The following AIG1 variants were observed in gnomAD, a reference collection of about 807,000 sequenced individuals.
AIG1 encodes androgen induced 1.
In AIG1, 23 loss-of-function variants were observed where a neutral mutation model predicts 31.4. That is an observed-to-expected ratio of 0.73 (90% confidence interval 0.53 to 1.04). The LOEUF is 1.04. AIG1 is among the 50% of genes least tolerant of loss of function. AIG1 has a pLI of 0.00. For missense variants in AIG1, 274 were observed against 295.0 expected (o/e 0.93, Z 0.52); for synonymous variants, 100 against 110.5 (o/e 0.90, Z 0.60).
At chr6:143,098,751 C>G (rs1780007301) in intron 1 of AIG1, among the ~76,000 whole-genome samples, 1 of 152,190 alleles carries the variant, frequency 6.6e-6, no homozygotes, top group Non-Finnish European at 1.5e-5. Flanking sequence ...TCATCCAAGA[C>G]TTTTGTGTTG....
Position 143,060,931 on chromosome 6 carries a change from G to A in AIG1, c.6G>A (p.Ala2=), listed in dbSNP as rs773220412. ...GGTCCAGGCCTCTGGCGAACATGGC[G>A]CTTGTCCCCTGCCAGGTGCTGCGGA... M[A]LVPCQVLRMA... The change falls in exon 1 of 6, where the codon GCG becomes GCA. Residue 2 remains alanine, a synonymous_variant. Transcript: ENST00000357847. The A allele has an allele frequency of 2.5e-6, 4 of 1,608,576 alleles. No individual in the cohort carries two copies. The highest frequency in any genetic ancestry group is 3.4e-6 in the Non-Finnish European group (4 of 1,178,436).
chr6:143,140,303 G>A (rs578133237), intron 2 of AIG1, among the ~76,000 whole-genome samples: 1 of 152,124 alleles, frequency 6.6e-6, no homozygotes, highest in Non-Finnish European at 1.5e-5. Context: ...TGGGGACACA[G>A]CCAAACTATA....
At chr6:143,217,716 C>A (rs894331039) in intron 3 of AIG1, among the ~76,000 whole-genome samples, 1 of 152,102 alleles carries the variant, frequency 6.6e-6, no homozygotes, top group Non-Finnish European at 1.5e-5. Context: ...ACCATGTTGG[C>A]CAGGCTCATC....
chr6:143,249,756 CT>C (rs769819973), intron 3 of AIG1, among the ~76,000 whole-genome samples: 8 of 152,182 alleles, frequency 5.3e-5, no homozygotes, highest in Admixed American at 6.5e-5. Context: ...TCAACCCCCC[CT>C]ATGTTTGCTG....
intron 3 of AIG1, among the ~76,000 whole-genome samples, chr6:143,249,577 A>T (rs1356066952): frequency 6.6e-6 from 1 of 152,142 alleles, no homozygotes; most frequent in Non-Finnish European, 1.5e-5. Flanking sequence ...CAAGTTCAAC[A>T]CTTAGCTCTC....
chr6:143,202,489 A>T (rs980530370), intron 3 of AIG1, among the ~76,000 whole-genome samples: 2 of 152,216 alleles, frequency 1.3e-5, no homozygotes, highest in African/African-American at 4.8e-5. Context: ...AGATAAACTT[A>T]AAAAAATTCT....
At chr6:143,145,123 C>G (rs749347834) in intron 2 of AIG1, among the ~76,000 whole-genome samples, 1 of 152,164 alleles carries the variant, frequency 6.6e-6, no homozygotes, top group African/African-American at 2.4e-5. Flanking sequence ...CTCTCAGGCT[C>G]AAGTGATCCT....
intron 1 of AIG1, among the ~76,000 whole-genome samples, chr6:143,134,922 A>G (rs1158156681): frequency 6.6e-6 from 1 of 152,034 alleles, no homozygotes; most frequent in Non-Finnish European, 1.5e-5. Flanking sequence ...AAGCTATGCT[A>G]TTCTATAGGT....
chr6:143,074,317 C>A (rs1048352302), intron 1 of AIG1, among the ~76,000 whole-genome samples: 2 of 152,160 alleles, frequency 1.3e-5, no homozygotes, highest in Non-Finnish European at 2.9e-5. Context: ...TAAATCATTG[C>A]CAAGACCATT....
intron 3 of AIG1, among the ~76,000 whole-genome samples, chr6:143,246,187 C>G (rs1262895860): frequency 1.3e-5 from 2 of 151,970 alleles, no homozygotes; most frequent in African/African-American, 4.8e-5. Context: ...AAGTTTCATT[C>G]AGTTTCCTCT....
chr6:143,197,034 G>C (rs1486556144), intron 3 of AIG1, among the ~76,000 whole-genome samples: 1 of 152,168 alleles, frequency 6.6e-6, no homozygotes. Flanking sequence ...GACAATGGCT[G>C]TGATGAATGT....
intron 1 of AIG1, among the ~76,000 whole-genome samples, chr6:143,083,139 TA>T (rs1312125045): frequency 6.6e-6 from 1 of 152,210 alleles, no homozygotes; most frequent in Non-Finnish European, 1.5e-5. Context: ...CGTAAGTGTT[TA>T]ACCTGCTGTA....
chr6:143,240,677 A>G (rs1287991620), intron 3 of AIG1, among the ~76,000 whole-genome samples: 3 of 152,200 alleles, frequency 2.0e-5, no homozygotes, highest in African/African-American at 4.8e-5. Context: ...AAAATTTCCA[A>G]TCTGTCATGA....
At chr6:143,277,079 TCA>T (rs1430645472) in intron 3 of AIG1, among the ~76,000 whole-genome samples, 2 of 152,198 alleles carry the variant, frequency 1.3e-5, no homozygotes, top group East Asian at 1.9e-4. Flanking sequence ...GTGATTTTTC[TCA>T]GTTTTTCTCA....
intron 1 of AIG1, among the ~76,000 whole-genome samples, chr6:143,095,583 A>G (rs1400615693): frequency 2.0e-5 from 3 of 152,212 alleles, no homozygotes; most frequent in East Asian, 1.9e-4. Context: ...TGAGTCAAAG[A>G]GAGTAACAGA....
rs192579040 is a variant in AIG1 at position 143,244,706 on chromosome 6, G to A, written c.400-39404G>A. ...TGGAGAGCTGATTTAACTGCAAAGA[G>A]GTGCTGTCTGTGCAGGCTCTTTAGA... On this transcript the variant is annotated intron_variant, in intron 3 of 5. Coordinates refer to ENST00000357847, the MANE Select transcript of AIG1 (RefSeq NM_016108.4). Among the ~76,000 whole-genome samples, 29 of 152,348 alleles carry A rather than the reference G, an allele frequency of 1.9e-4. 1 individual carries two copies. The highest frequency in any genetic ancestry group is 1.7e-3 in the Admixed American group (26 of 15,310).
At chr6:143,228,654 A>G (rs1793204535) in intron 3 of AIG1, among the ~76,000 whole-genome samples, 1 of 152,246 alleles carries the variant, frequency 6.6e-6, no homozygotes, top group South Asian at 2.1e-4. Context: ...AGAGGGACTC[A>G]GAGGGCTTCG....
chr6:143,266,374 A>G (rs1338547879), intron 3 of AIG1, among the ~76,000 whole-genome samples: 1 of 150,608 alleles, frequency 6.6e-6, no homozygotes, highest in Non-Finnish European at 1.5e-5. Context: ...AAGAATAATA[A>G]TATGGCCCAT....
At chr6:143,285,792 T>A (rs1797644190) in intron 4 of AIG1, among the ~76,000 whole-genome samples, 1 of 152,200 alleles carries the variant, frequency 6.6e-6, no homozygotes, top group Non-Finnish European at 1.5e-5. Flanking sequence ...TGACTTTCTC[T>A]GATAAAAAAT....
Sources: gnomAD v4.1 joint callset for allele counts (sites outside exome capture counted in the v4.1 genomes callset) on GRCh38, gnomAD v4.1.1 for gene constraint, MANE v1.5 for transcripts, NCBI Gene and HGNC (gene_info 2026-07-23, HGNC 2026-07-21) for gene names.